Variants in SUGCT observed in about 807,000 individuals in gnomAD.
SUGCT encodes succinyl-CoA:glutarate CoA-transferase.
SUGCT carries 41 observed loss-of-function variants against 55.0 expected under a neutral mutation model. The observed-to-expected ratio is 0.74, with a 90% CI of 0.58 to 0.97. The LOEUF is 0.97. SUGCT is among the 50% of genes least tolerant of loss of function. The pLI is 0.00. For synonymous variants in SUGCT, 187 were observed against 200.4 expected (o/e 0.93, Z 0.56); for missense variants, 568 against 547.8 (o/e 1.04, Z -0.37).
intron 9 of SUGCT, among the ~76,000 whole-genome samples, chr7:40,367,111 T>C (rs1784025323): frequency 6.6e-6 from 1 of 152,152 alleles, no homozygotes; most frequent in South Asian, 2.1e-4. Flanking sequence ...TCATGTCCTT[T>C]GTAGGGACAT....
intron 8 of SUGCT, among the ~76,000 whole-genome samples, chr7:40,289,345 C>T (rs1793575981): frequency 6.6e-6 from 1 of 152,244 alleles, no homozygotes; most frequent in Middle Eastern, 3.4e-3. Context: ...GTACCAAACC[C>T]TATAAATACT....
intron 13 of SUGCT, among the ~76,000 whole-genome samples, chr7:40,855,764 G>T (rs1375194377): frequency 2.0e-5 from 3 of 152,156 alleles, no homozygotes; most frequent in Non-Finnish European, 4.4e-5. Flanking sequence ...TTACGACATG[G>T]ATTCAGAGCC....
At chr7:40,475,540 A>G (rs1382513049) in intron 11 of SUGCT, among the ~76,000 whole-genome samples, 4 of 152,168 alleles carry the variant, frequency 2.6e-5, no homozygotes, top group African/African-American at 9.7e-5. Flanking sequence ...CTTTAAGGAA[A>G]CCATATTGGT....
chr7:40,333,704 A>T (rs9719759), intron 9 of SUGCT, among the ~76,000 whole-genome samples: 3,316 of 113,566 alleles, frequency 0.029, 101 homozygotes, highest in Non-Finnish European at 0.051. Flanking sequence ...TATATATATA[A>T]ATATTTATAA....
At chr7:40,351,756 T>C (rs1797645856) in intron 9 of SUGCT, among the ~76,000 whole-genome samples, 1 of 152,242 alleles carries the variant, frequency 6.6e-6, no homozygotes, top group South Asian at 2.1e-4. Flanking sequence ...TTATCTATGT[T>C]TTTGTCTTCA....
chr7:41,024,269 T>C, the SUGCT span, among the ~76,000 whole-genome samples: 3 of 152,166 alleles, frequency 2.0e-5, no homozygotes, highest in Non-Finnish European at 4.4e-5. Context: ...GGAGAATATC[T>C]GTATAAGCTT....
chr7:40,482,904 C>G (rs1444219717), intron 11 of SUGCT, among the ~76,000 whole-genome samples: 1 of 152,170 alleles, frequency 6.6e-6, no homozygotes, highest in Non-Finnish European at 1.5e-5. Context: ...GAAAGCAGTG[C>G]CTAGATTCCT....
At chr7:40,995,221 A>G in the SUGCT span, among the ~76,000 whole-genome samples, 1 of 151,478 alleles carries the variant, frequency 6.6e-6, no homozygotes, top group Admixed American at 6.6e-5. Flanking sequence ...CCAGAGAATG[A>G]CTCTTTCATT....
At chr7:40,998,864 C>G in the SUGCT span, among the ~76,000 whole-genome samples, 1 of 152,186 alleles carries the variant, frequency 6.6e-6, no homozygotes, top group Non-Finnish European at 1.5e-5. Flanking sequence ...TTGAGAATAG[C>G]TTCCAGTGAT....
chr7:40,243,100 T>G (rs1789575007), intron 7 of SUGCT, among the ~76,000 whole-genome samples: 1 of 150,338 alleles, frequency 6.7e-6, no homozygotes, highest in Non-Finnish European at 1.5e-5. Flanking sequence ...CATGCCTGCA[T>G]CCATCTCTCT....
intron 12 of SUGCT, among the ~76,000 whole-genome samples, chr7:40,696,969 TTTAGA>T (rs1784960306): frequency 6.6e-6 from 1 of 152,126 alleles, no homozygotes; most frequent in Non-Finnish European, 1.5e-5. Context: ...CAAGAGAAGT[TTTAGA>T]TTATAGTGTG....
chr7:40,672,952 G>T (rs1310249448), intron 12 of SUGCT, among the ~76,000 whole-genome samples: 1 of 152,122 alleles, frequency 6.6e-6, no homozygotes, highest in Non-Finnish European at 1.5e-5. Context: ...GCTCCCTCAT[G>T]CCCTTTTGTA....
At chr7:40,561,688 C>CCTTTTTTT (rs1795842777) in intron 12 of SUGCT, among the ~76,000 whole-genome samples, 2 of 100,162 alleles carry the variant, frequency 2.0e-5, no homozygotes, top group African/African-American at 8.3e-5. Flanking sequence ...TAAGCCGAGT[C>CCTTTTTTT]TTTTTTTTTT....
At chr7:40,182,561 CAA>C (rs533687452) in intron 3 of SUGCT, among the ~76,000 whole-genome samples, 18 of 66,082 alleles carry the variant, frequency 2.7e-4, no homozygotes, top group Non-Finnish European at 3.3e-4. Context: ...GACTCCGTTT[CAA>C]AAAAAAAAAA....
intron 8 of SUGCT, among the ~76,000 whole-genome samples, chr7:40,293,333 A>T (rs918699701): frequency 6.6e-6 from 1 of 152,126 alleles, no homozygotes; most frequent in East Asian, 1.9e-4. Flanking sequence ...CCAGTGCTCA[A>T]CGTTGGCTGC....
chr7:40,460,557 C>G (rs773346120), intron 11 of SUGCT, among the ~76,000 whole-genome samples: 4 of 152,184 alleles, frequency 2.6e-5, no homozygotes, highest in Non-Finnish European at 5.9e-5. Flanking sequence ...TTGTGAGAAC[C>G]TTATCAGAAG....
Position 40,628,467 on chromosome 7 carries a change from G to T in SUGCT, c.1090-120967G>T, listed in dbSNP as rs1389111081. Among the ~76,000 whole-genome samples, 4 of 152,116 alleles carry T rather than the reference G, an allele frequency of 2.6e-5. No homozygotes were observed. In the East Asian group the frequency reaches 7.7e-4, roughly 29 times the overall value. On this transcript the variant is annotated intron_variant, in intron 12 of 13. Transcript: ENST00000335693. Reference sequence around the variant, plus strand: ...ATCAGAGTATGCCATTTAAATTGGGGGTTCCTGTCAGGTGGGACATCTAGA... The same window carrying T: ...ATCAGAGTATGCCATTTAAATTGGGTGTTCCTGTCAGGTGGGACATCTAGA...
chr7:40,149,117 C>T (rs1317406133), intron 1 of SUGCT, among the ~76,000 whole-genome samples: 1 of 151,994 alleles, frequency 6.6e-6, no homozygotes, highest in Non-Finnish European at 1.5e-5. Context: ...ATTTTGGGGT[C>T]TCAGTTTTTG....
intron 6 of SUGCT, among the ~76,000 whole-genome samples, chr7:40,205,695 C>A (rs1418240334): frequency 6.7e-6 from 1 of 149,656 alleles, no homozygotes; most frequent in Non-Finnish European, 1.5e-5. Context: ...CTTAGAAGAG[C>A]TCTGCTGGGT....
Sources: gnomAD v4.1 joint callset for allele counts (sites outside exome capture counted in the v4.1 genomes callset) on GRCh38, gnomAD v4.1.1 for gene constraint, MANE v1.5 for transcripts, NCBI Gene and HGNC (gene_info 2026-07-23, HGNC 2026-07-21) for gene names.